Variants in GSAP observed in about 807,000 individuals in gnomAD.
GSAP encodes the protein gamma-secretase-activating protein.
In GSAP, 118 loss-of-function variants were observed where a neutral mutation model predicts 131.7. That is an observed-to-expected ratio of 0.90 (90% CI 0.77 to 1.04). The LOEUF (loss-of-function observed/expected upper bound fraction) is 1.04. Among genes scored for constraint, GSAP ranks in the 50% least tolerant of loss-of-function variants. GSAP has a pLI of 0.00. For synonymous variants in GSAP, 381 were observed against 363.4 expected, an observed-to-expected ratio of 1.05 and a Z score of -0.55; for missense variants, 1,019 against 1,013.2, an observed-to-expected ratio of 1.01 and a Z score of -0.08.
chr7:77,315,293 G>GT (rs1794855139), intron 26 of GSAP: 3 of 152,258 alleles, frequency 2.0e-5, no homozygotes, highest in Admixed American at 2.0e-4. Flanking sequence ...GAATCCAGCT[G>GT]TATTACTCAC....
At chr7:77,405,853 T>C (rs1272431987) in intron 2 of GSAP, among the ~76,000 whole-genome samples, 176 bp downstream of exon 2, 2 of 152,182 alleles carry the variant, frequency 1.3e-5, no homozygotes, top group Non-Finnish European at 2.9e-5. Context: ...ACTACTAAAT[T>C]TCAATCACTT....
rs1184821932 is a variant in GSAP, at chr7:77,416,112, G to A, written c.109+101C>T. On this transcript the variant is annotated intron_variant, in intron 1 of 30. Transcript: ENST00000257626. ...ACGCCCTCGCACCAGCCTTCTCAGG[G>A]CGGCGACGCCCCGGGTTGCTCCCCA... is the stretch of plus-strand genomic sequence containing the variant. 4 of 627,256 alleles carry A rather than the reference G, an allele frequency of 6.4e-6. No individual in the cohort carries two copies. The East Asian group carries it at 1.4e-4, about 22-fold the overall frequency. 38.9% of individuals were successfully genotyped at this position (627,256 alleles called of 1,614,324 possible). A position where few individuals can be genotyped will look rare whatever the true frequency, so the allele number is the denominator to read the frequency against.
At chr7:77,320,649 A>G in intron 26 of GSAP, 76 bp downstream of exon 26, 1 of 848,730 alleles carries the variant, frequency 1.2e-6, no homozygotes, top group South Asian at 1.4e-5. Context: ...TCAAACTTAT[A>G]ATGTACCAAA....
chr7:77,356,081 A>G (rs376913559), intron 14 of GSAP, among the ~76,000 whole-genome samples: 1 of 151,944 alleles, frequency 6.6e-6, no homozygotes, highest in Non-Finnish European at 1.5e-5. Flanking sequence ...CATGTTGCCC[A>G]GGCTGGTCTT....
chr7:77,377,842 A>T (rs558927546), intron 8 of GSAP, among the ~76,000 whole-genome samples: 1 of 152,188 alleles, frequency 6.6e-6, no homozygotes, highest in Non-Finnish European at 1.5e-5. Context: ...AATGACCCCA[A>T]TTTGGCCATA....
At chr7:77,317,132 A>G (rs1395944402) in intron 26 of GSAP, among the ~76,000 whole-genome samples, 1 of 152,076 alleles carries the variant, frequency 6.6e-6, no homozygotes, top group Non-Finnish European at 1.5e-5. Flanking sequence ...CTCTATTTCC[A>G]TGTCACATGA....
chr7:77,359,210 AAG>A (rs908205408), intron 14 of GSAP, among the ~76,000 whole-genome samples: 11 of 152,078 alleles, frequency 7.2e-5, no homozygotes, highest in African/African-American at 2.4e-4. Context: ...CAAAAAAAAA[AAG>A]AAACTATTAA....
chr7:77,370,302 AC>A (rs1480065508), intron 12 of GSAP, among the ~76,000 whole-genome samples: 1 of 152,188 alleles, frequency 6.6e-6, no homozygotes, highest in Non-Finnish European at 1.5e-5. Flanking sequence ...CACTAAAAAT[AC>A]AAAAAAAATT....
At chr7:77,356,911 T>C (rs1003438270) in intron 14 of GSAP, among the ~76,000 whole-genome samples, 1 of 152,224 alleles carries the variant, frequency 6.6e-6, no homozygotes, top group Non-Finnish European at 1.5e-5. Flanking sequence ...ACAAGTGTCC[T>C]TTCAGTCAAC....
At chr7:77,373,843 T>C (rs1038757402) in intron 12 of GSAP, among the ~76,000 whole-genome samples, 2 of 152,206 alleles carry the variant, frequency 1.3e-5, no homozygotes, top group Non-Finnish European at 2.9e-5. Flanking sequence ...ATACAAATAA[T>C]AACTACTAGA....
intron 3 of GSAP, among the ~76,000 whole-genome samples, chr7:77,400,570 A>G (rs1416435232): frequency 6.6e-6 from 1 of 152,240 alleles, no homozygotes; most frequent in East Asian, 1.9e-4. Flanking sequence ...ACCTAGCAGT[A>G]GTAGGTTGTA....
intron 18 of GSAP, chr7:77,351,325 G>A (rs1183203110): frequency 2.7e-6 from 1 of 366,086 alleles, no homozygotes; most frequent in Non-Finnish European, 3.2e-6. Flanking sequence ...CTATGTGTAA[G>A]GGCATCACAT....
At chr7:77,411,900 C>T (rs1227178865) in intron 1 of GSAP, among the ~76,000 whole-genome samples, 1 of 152,134 alleles carries the variant, frequency 6.6e-6, no homozygotes, top group Non-Finnish European at 1.5e-5. Flanking sequence ...TTGTCATGGC[C>T]GGGCATGGTG....
chr7:77,413,138 A>C (rs1333246857), intron 1 of GSAP, among the ~76,000 whole-genome samples: 1 of 152,224 alleles, frequency 6.6e-6, no homozygotes, highest in Non-Finnish European at 1.5e-5. Flanking sequence ...AGTGCTCAGG[A>C]AAGTGGGATT....
rs565702619 is a variant in GSAP, at chr7:77,411,645, G to A, written c.109+4568C>T. On this transcript the variant is annotated intron_variant, in intron 1 of 30. Coordinates refer to ENST00000257626, the MANE Select transcript of GSAP (RefSeq NM_017439.4). ...CTAAATAAATAATGAGCTGTATTTT[G>A]TTCATAGTTGGAAAGATCCAATATT... 3.9e-5 allele frequency among the ~76,000 whole-genome samples: 6 copies of A among 152,248 alleles called. No individual in the cohort carries two copies. The South Asian group carries it at 1.2e-3, about 32-fold the overall frequency.
chr7:77,402,559 C>T (rs1444195888), intron 3 of GSAP, among the ~76,000 whole-genome samples: 1 of 108,068 alleles, frequency 9.3e-6, no homozygotes, highest in Non-Finnish European at 1.8e-5. Flanking sequence ...GGCGCCACTG[C>T]ACTCCAGCCT....
At chr7:77,329,235 A>G in intron 21 of GSAP, 98 bp downstream of exon 21, 1 of 641,916 alleles carries the variant, frequency 1.6e-6, no homozygotes, top group Non-Finnish European at 2.6e-6. Context: ...GGGGATATGC[A>G]ACAAAAGTAA....
intron 26 of GSAP, among the ~76,000 whole-genome samples, chr7:77,318,908 G>T (rs180756359): frequency 1.5e-5 from 2 of 133,078 alleles, no homozygotes; most frequent in Admixed American, 1.6e-4. Context: ...ACGATCCTGG[G>T]CCTGTTGTGG....
At chr7:77,330,754 A>G (rs1789012937) in intron 19 of GSAP, 2 of 986,546 alleles carry the variant, frequency 2.0e-6, no homozygotes, top group Non-Finnish European at 2.4e-6. Context: ...CAACAGTGCC[A>G]TGTTCACTAA....
Sources: gnomAD v4.1 joint callset for allele counts (sites outside exome capture counted in the v4.1 genomes callset) on GRCh38, gnomAD v4.1.1 for gene constraint, MANE v1.5 for transcripts, NCBI Gene and HGNC (gene_info 2026-07-23, HGNC 2026-07-21) for gene names.